The following PEG3 variants were observed in gnomAD, a reference collection of about 807,000 sequenced individuals.
PEG3 encodes paternally expressed 3.
A neutral mutation model predicts 35.5 loss-of-function variants in PEG3; 23 were observed. The ratio of observed to expected loss-of-function variants is 0.65; its 90% CI spans 0.47 to 0.92. PEG3 has a LOEUF of 0.92. Ranked by LOEUF, PEG3 falls within the 40% of genes least tolerant of loss-of-function variation. The pLI, the probability that PEG3 is intolerant of heterozygous loss-of-function variation, is 0.00. For missense variants in PEG3, 1,960 were observed against 1,985.3 expected (o/e 0.99, Z 0.24); for synonymous variants, 707 against 697.0 (o/e 1.01, Z -0.23).
In PEG3 at chr19:56,812,265, G is replaced by T; in HGVS notation, c.*1410C>A. The T allele has an allele frequency of 1.0e-6, 1 of 978,004 alleles. No homozygotes were observed. The highest frequency in any genetic ancestry group is 1.7e-5 in the African/African-American group (1 of 57,182). The allele number at this position is 978,004 out of a possible 1,614,324, so 60.6% of individuals were successfully genotyped here. A position where few individuals can be genotyped will look rare whatever the true frequency, so the allele number is the denominator to read the frequency against. On this transcript the variant is annotated 3_prime_UTR_variant, in exon 10 of 10. Coordinates refer to ENST00000326441, the MANE Select transcript of PEG3 (RefSeq NM_006210.3). ...GACACAAGAAACCTCAAGCTGTGAG[G>T]TCAATTTGTAATTAAAAGAATACTA... is the stretch of plus-strand genomic sequence containing the variant.
rs2061040282 is a variant in PEG3, at chr19:56,826,447, A to T, written c.-146T>A. 6.6e-6 allele frequency: 1 copy of T among 152,242 alleles called. No individual in the cohort carries two copies. The highest frequency in any genetic ancestry group is 2.1e-4 in the South Asian group (1 of 4,828). The allele number at this position is 152,242 out of a possible 1,614,324, so 9.4% of individuals were successfully genotyped here. On this transcript the variant is annotated 5_prime_UTR_variant, in exon 3 of 10. Transcript: ENST00000326441. Reference sequence around the variant, plus strand: ...ACCAAGCAGCTATCCACAGGAACAGAGTCAAAACACAGGTATCTGCAGAAG... The same window carrying T: ...ACCAAGCAGCTATCCACAGGAACAGTGTCAAAACACAGGTATCTGCAGAAG...
In PEG3 at chr19:56,817,777, G is replaced by A. The variant is rs2060115952; in HGVS notation, c.831C>T (p.Ser277=). Reference sequence around the variant, plus strand: ...TGGTGCTTGGGTAGGCACTTCTCTTGGATCTTGATGAGTGGCCCTGCGTCA... The same window carrying A: ...TGGTGCTTGGGTAGGCACTTCTCTTAGATCTTGATGAGTGGCCCTGCGTCA... The part of the protein sequence containing the change: ...SHMTQGHSSR[S]KRSAYPSTSR... The change falls in exon 9 of 10, where the codon TCC becomes TCT. Residue 277 remains serine, a synonymous_variant. Coordinates refer to ENST00000326441, the MANE Select transcript of PEG3 (RefSeq NM_006210.3). The A allele has an allele frequency of 1.2e-6, 2 of 1,614,028 alleles. No homozygotes were observed. The highest frequency in any genetic ancestry group is 1.3e-5 in the African/African-American group (1 of 74,910).
chr19:56,833,628 GA>G (rs1405134329), intron 2 of PEG3: 2 of 173,024 alleles, frequency 1.2e-5, no homozygotes, highest in African/African-American at 4.8e-5. Context: ...GGGTGCTTAT[GA>G]AATACGGAGC....
rs773242493 is a variant in PEG3, at chr19:56,817,648, G to A, written c.863-69C>T. ...GAAGGACAGTGGGACTTGGAGGGGT[G>A]CACCCTTCTGTGATGTTTAGGAATG... On this transcript the variant is annotated intron_variant, in intron 9 of 9. Coordinates refer to ENST00000326441, the MANE Select transcript of PEG3 (RefSeq NM_006210.3). 418 of 1,503,642 alleles carry A rather than the reference G, an allele frequency of 2.8e-4. 3 individuals carry two copies. The highest frequency in any genetic ancestry group is 1.6e-3 in the Middle Eastern group (9 of 5,746). The allele number at this position is 1,503,642 out of a possible 1,614,324, so 93.1% of individuals were successfully genotyped here. A position where few individuals can be genotyped will look rare whatever the true frequency, so the allele number is the denominator to read the frequency against.
chr19:56,812,436 C>T lies in PEG3; in HGVS notation c.*1239G>A. On this transcript the variant is annotated 3_prime_UTR_variant, in exon 10 of 10. Transcript: ENST00000326441. ...GTAAAGAATTTTTTTTTTTTTAATG[C>T]AAGTTAGACATGGAGTTAGAGGGTC... The T allele has an allele frequency of 1.0e-6, 1 of 981,078 alleles. No homozygotes were observed. The highest frequency in any genetic ancestry group is 1.2e-6 in the Non-Finnish European group (1 of 827,218). 60.8% of individuals were successfully genotyped at this position (981,078 alleles called of 1,614,324 possible).
At position 56,812,676 on chromosome 19, in the gene PEG3, C is replaced by T. The variant is rs2059615841; in HGVS notation, c.*999G>A. 1 of 985,378 alleles carries T rather than the reference C, an allele frequency of 1.0e-6. No homozygotes were observed. The highest frequency in any genetic ancestry group is 1.2e-6 in the Non-Finnish European group (1 of 829,532). 61.0% of individuals were successfully genotyped at this position (985,378 alleles called of 1,614,324 possible). A position where few individuals can be genotyped will look rare whatever the true frequency, so the allele number is the denominator to read the frequency against. ...CATTATTTACAGCATGAGAGCCTCT[C>T]CTACGGTTCTCAACCTTCATTAGGC... On this transcript the variant is annotated 3_prime_UTR_variant, in exon 10 of 10. Coordinates refer to ENST00000326441, the MANE Select transcript of PEG3 (RefSeq NM_006210.3).
intron 2 of PEG3, among the ~76,000 whole-genome samples, chr19:56,828,984 T>C (rs2061324401): frequency 6.6e-6 from 1 of 152,168 alleles, no homozygotes; most frequent in Non-Finnish European, 1.5e-5. Flanking sequence ...CCTACTTCTT[T>C]TGAACCAGCA....
At chr19:56,836,268 G>T (rs1352887576) in intron 1 of PEG3, among the ~76,000 whole-genome samples, 164 bp from the exon 2 acceptor site, 1 of 152,082 alleles carries the variant, frequency 6.6e-6, no homozygotes, top group African/African-American at 2.4e-5. Context: ...CACGGGTATA[G>T]CTCCCTTAGA....
intron 6 of PEG3, 116 bp downstream of exon 6, chr19:56,822,637 G>C (rs776490750): frequency 4.2e-5 from 60 of 1,412,872 alleles, no homozygotes; most frequent in Non-Finnish European, 5.5e-5. Context: ...TTGGGGAAGC[G>C]GAATATACTC....
rs1362870703 is a variant in PEG3 at position 56,824,557 on chromosome 19, G to T, written c.99C>A (p.Val33=). The T allele has an allele frequency of 1.2e-6, 2 of 1,613,988 alleles. No individual in the cohort carries two copies. The highest frequency in any genetic ancestry group is 2.7e-5 in the African/African-American group (2 of 74,902). The change falls in exon 4 of 10, where the codon GTC becomes GTA. Residue 33 remains valine, a synonymous_variant. Transcript: ENST00000326441. ...LDSDLTKEPD[V]IIGEGPTDSE... is the part of the protein sequence containing the mutation. ...AGTCAGTTGGACCTTCTCCTATGAT[G>T]ACATCCGGCTCCTTAGTCAAGTCAC...
rs758509473 is a variant in PEG3, at chr19:56,836,062, C to T, written c.-207G>A. The T allele has an allele frequency of 7.9e-6, 4 of 506,450 alleles. No individual in the cohort carries two copies. Among genetic ancestry groups the T allele is most frequent in the Admixed American group, 6.0e-5 (3 of 49,884 alleles). 31.4% of individuals were successfully genotyped at this position (506,450 alleles called of 1,614,324 possible). ...GTTTGGACCTAGTCCCTCTTCCTCTCGCCAGTCGTCTCCAAGAAGGACGGA... is the reference window on the plus strand; with the variant it reads ...GTTTGGACCTAGTCCCTCTTCCTCTTGCCAGTCGTCTCCAAGAAGGACGGA... On this transcript the variant is annotated 5_prime_UTR_variant, in exon 2 of 10. Transcript: ENST00000326441.
chr19:56,816,773 A>C lies in PEG3; in HGVS notation c.1669T>G (p.Tyr557Asp). 6.2e-7 allele frequency: 1 copy of C among 1,614,092 alleles called. No individual in the cohort carries two copies. Among genetic ancestry groups the C allele is most frequent in the South Asian group, 1.1e-5 (1 of 91,082 alleles). The stretch of plus-strand genomic sequence containing the variant: ...CACTCGTAGAATTTGTCTTTGCCAT[A>C]TATTTTCTGAAGCTCACTAAAGGTG... Reference protein sequence around the residue: ...SPTFSELQKIYGKDKFYECRV... With the variant: ...SPTFSELQKIDGKDKFYECRV... Residue 557 changes from tyrosine to aspartate, a missense_variant, in exon 10 of 10, where the codon TAT becomes GAT. This residue lies in a region of PEG3 where 798 missense variants were observed against 782.4 expected (regional missense o/e 1.02). Coordinates refer to ENST00000326441, the MANE Select transcript of PEG3 (RefSeq NM_006210.3).
chr19:56,833,032 G>C, intron 2 of PEG3: 1 of 389,282 alleles, frequency 2.6e-6, no homozygotes, highest in South Asian at 1.9e-5. Flanking sequence ...GAAGATCCAT[G>C]GCTTTAATCA....
intron 2 of PEG3, among the ~76,000 whole-genome samples, chr19:56,827,407 GA>G (rs575936348): frequency 7.7e-4 from 116 of 151,152 alleles, no homozygotes; most frequent in Non-Finnish European, 1.5e-3. Flanking sequence ...TTTTTTAACA[GA>G]AAAACCTTAA....
At chr19:56,818,838 CCAAGT>C in intron 7 of PEG3, 136 bp from the exon 8 acceptor site, 1 of 997,680 alleles carries the variant, frequency 1.0e-6, no homozygotes, top group Non-Finnish European at 1.5e-6. Context: ...TCTGAGTGAT[CCAAGT>C]CAAGTGTTAC....
rs775836561 is a variant in PEG3 at position 56,817,338 on chromosome 19, C to T, written c.1104G>A (p.Gly368=). The T allele has an allele frequency of 1.2e-6, 2 of 1,614,076 alleles. No individual in the cohort carries two copies. The highest frequency in any genetic ancestry group is 2.2e-5 in the South Asian group (2 of 91,074). ...ACCTAAAGCCTCCCCTAAATGCATT[C>T]CCTTCATAAACCCGCTGCTGGATCA... The part of the protein sequence containing the change: ...ESVIQQRVYE[G]NAFRGGFRFN... Residue 368 remains glycine (G), a synonymous_variant, in exon 10 of 10, where the codon GGG becomes GGA. Coordinates refer to ENST00000326441, the MANE Select transcript of PEG3 (RefSeq NM_006210.3).
chr19:56,815,952 G>A lies in PEG3; in HGVS notation c.2490C>T (p.Tyr830=). 6.3e-7 allele frequency: 1 copy of A among 1,595,836 alleles called. No individual in the cohort carries two copies. Among genetic ancestry groups the A allele is most frequent in the Non-Finnish European group, 8.5e-7 (1 of 1,171,382 alleles). The change falls in exon 10 of 10, where the codon TAC becomes TAT. Residue 830 remains tyrosine, a synonymous_variant. Coordinates refer to ENST00000326441, the MANE Select transcript of PEG3 (RefSeq NM_006210.3). ...AGGNTSEGRE[Y]SRSVIHSLVA... ...CTAAGCTATGGATAACAGACCTACT[G>A]TATTCCCTTCCTTCAGAGGTGTTCC...
chr19:56,812,121 T>C lies in PEG3; in HGVS notation c.*1554A>G, dbSNP rs190990186. 2.2e-5 allele frequency: 21 copies of C among 966,274 alleles called. No homozygotes were observed. The highest frequency in any genetic ancestry group is 2.5e-5 in the Non-Finnish European group (20 of 812,516). The allele number at this position is 966,274 out of a possible 1,614,324, so 59.9% of individuals were successfully genotyped here. On this transcript the variant is annotated 3_prime_UTR_variant, in exon 10 of 10. Coordinates refer to ENST00000326441, the MANE Select transcript of PEG3 (RefSeq NM_006210.3). ...ACTTACATTTTGCAAATCTTTTTTT[T>C]TAAATTTTTTAAATTTTATATTTTT...
chr19:56,820,892 C>T (rs2060420727), intron 7 of PEG3, among the ~76,000 whole-genome samples: 1 of 152,202 alleles, frequency 6.6e-6, no homozygotes, highest in Non-Finnish European at 1.5e-5. Flanking sequence ...GAAAGGAAGG[C>T]TCAGCCCAAT....
Sources: gnomAD v4.1 joint callset for allele counts (sites outside exome capture counted in the v4.1 genomes callset) on GRCh38, gnomAD v4.1.1 for gene constraint, gnomAD v4.1.1 regional missense constraint, MANE v1.5 for transcripts, NCBI Gene and HGNC (gene_info 2026-07-23, HGNC 2026-07-21) for gene names.